The following YTHDF3 variants were observed in gnomAD, a reference collection of about 807,000 sequenced individuals.
YTHDF3 encodes the protein YTH domain-containing family protein 3.
YTHDF3 carries 9 observed loss-of-function variants against 52.5 expected under a neutral mutation model. The ratio of observed to expected loss-of-function variants is 0.17; its 90% confidence interval spans 0.10 to 0.30. The LOEUF (loss-of-function observed/expected upper bound fraction) is 0.30, where lower values mean the gene tolerates loss of function less well. Ranked by LOEUF, YTHDF3 falls within the 10% of genes least tolerant of loss-of-function variation. The pLI is 1.00. For missense variants in YTHDF3, 534 were observed against 715.0 expected, an observed-to-expected ratio of 0.75 and a Z score of 2.89; for synonymous variants, 274 against 243.3, an observed-to-expected ratio of 1.13 and a Z score of -1.18.
At chr8:63,172,681 G>T in intron 2 of YTHDF3, 1 of 931,152 alleles carries the variant, frequency 1.1e-6, no homozygotes, top group South Asian at 5.5e-5. Context: ...CAGATCTGTT[G>T]ACTTTCCTAA....
In YTHDF3 at chr8:63,210,758, GT is replaced by G. The variant is rs1810326488; in HGVS notation, c.*1056del. On this transcript the variant is annotated 3_prime_UTR_variant, in exon 5 of 5. Coordinates refer to ENST00000539294, the MANE Select transcript of YTHDF3 (RefSeq NM_152758.6). ...TCAGTATCTAAGTGAATGTGTTGAT[GT>G]TTTATTGATCAGATCTATATAAGTG... 1 of 152,502 alleles carries G rather than the reference GT, an allele frequency of 6.6e-6. No individual in the cohort carries two copies. Among genetic ancestry groups the G allele is most frequent in the Non-Finnish European group, 1.5e-5 (1 of 67,988 alleles). 9.4% of individuals were successfully genotyped at this position (152,502 alleles called of 1,614,324 possible).
At chr8:63,194,039 T>C (rs979178904) in intron 4 of YTHDF3, among the ~76,000 whole-genome samples, 123 of 152,082 alleles carry the variant, frequency 8.1e-4, no homozygotes, top group Admixed American at 2.6e-3. Context: ...TTTTTTTTTT[T>C]CCCCAAAAAA....
intron 3 of YTHDF3, 141 bp from the exon 4 acceptor site, chr8:63,186,006 A>C: frequency 1.0e-6 from 1 of 964,100 alleles, no homozygotes; most frequent in Non-Finnish European, 1.5e-6. Flanking sequence ...ACTGGATTTG[A>C]AATTTTAATT....
chr8:63,173,213 T>TATATATATATATATATATATATACAC (rs947970396), intron 2 of YTHDF3, among the ~76,000 whole-genome samples: 6 of 146,136 alleles, frequency 4.1e-5, no homozygotes, highest in African/African-American at 1.6e-4. Flanking sequence ...TATATATATA[T>TATATATATATATATATATATATACAC]ACAGATAAAT....
intron 3 of YTHDF3, among the ~76,000 whole-genome samples, chr8:63,176,522 C>T (rs983523176): frequency 2.6e-5 from 4 of 151,950 alleles, no homozygotes; most frequent in African/African-American, 4.8e-5. Flanking sequence ...CCTCATGATC[C>T]GCCCGCCTCG....
At chr8:63,207,146 A>G (rs901389594) in intron 4 of YTHDF3, among the ~76,000 whole-genome samples, 5 of 152,146 alleles carry the variant, frequency 3.3e-5, no homozygotes, top group African/African-American at 1.2e-4. Flanking sequence ...TTAGTTTAGT[A>G]TTGTTACAGC....
intron 3 of YTHDF3, among the ~76,000 whole-genome samples, chr8:63,178,946 CTG>C (rs1807884586): frequency 6.6e-6 from 1 of 152,184 alleles, no homozygotes; most frequent in Non-Finnish European, 1.5e-5. Context: ...TCCTCATACA[CTG>C]TACACAGTGT....
At chr8:63,194,328 A>C (rs942370776) in intron 4 of YTHDF3, among the ~76,000 whole-genome samples, 1 of 151,834 alleles carries the variant, frequency 6.6e-6, no homozygotes, top group Non-Finnish European at 1.5e-5. Context: ...TACTAAAAAT[A>C]CAAAAAATTA....
chr8:63,191,991 T>C (rs1279536578), intron 4 of YTHDF3, among the ~76,000 whole-genome samples: 26 of 152,220 alleles, frequency 1.7e-4, no homozygotes, highest in Admixed American at 1.7e-3. Flanking sequence ...AATATGTATA[T>C]TTTTAAATCA....
At chr8:63,198,351 C>T (rs1409166514) in intron 4 of YTHDF3, among the ~76,000 whole-genome samples, 1 of 152,156 alleles carries the variant, frequency 6.6e-6, no homozygotes, top group Non-Finnish European at 1.5e-5. Context: ...ACTGCAGTCT[C>T]CACCTTCGGG....
At chr8:63,176,526 C>T (rs10112440) in intron 3 of YTHDF3, among the ~76,000 whole-genome samples, 28,160 of 151,930 alleles carry the variant, frequency 0.19, 3,318 homozygotes, top group East Asian at 0.41. Context: ...ATGATCCGCC[C>T]GCCTCGGCCT....
chr8:63,178,779 A>T (rs368996202), intron 3 of YTHDF3, among the ~76,000 whole-genome samples: 3 of 152,346 alleles, frequency 2.0e-5, no homozygotes, highest in East Asian at 3.9e-4. Context: ...GTCGTATGAG[A>T]ATTTAAGTAC....
chr8:63,169,240 A>G (rs924910111), intron 1 of YTHDF3, 147 bp from the exon 2 acceptor site: 1 of 1,303,240 alleles, frequency 7.7e-7, no homozygotes, highest in Non-Finnish European at 1.0e-6. Context: ...GGTGGTTGGG[A>G]AATTGGTGGC....
Position 63,206,219 on chromosome 8 carries a change from A to G in YTHDF3, c.1735-3464A>G, listed in dbSNP as rs541657612. On this transcript the variant is annotated intron_variant, in intron 4 of 4. Coordinates refer to ENST00000539294, the MANE Select transcript of YTHDF3 (RefSeq NM_152758.6). ...CTCCTGAGTAGCTAGGATTACAGAC[A>G]TGTGCCACCATAGCCAGCTAATTTT... is the stretch of plus-strand genomic sequence containing the variant. Among the ~76,000 whole-genome samples, 19 of 152,114 alleles carry G rather than the reference A, an allele frequency of 1.2e-4. No homozygotes were observed. The South Asian group carries it at 3.3e-3, about 27-fold the overall frequency.
At chr8:63,205,512 C>T (rs1809971023) in intron 4 of YTHDF3, among the ~76,000 whole-genome samples, 1 of 151,216 alleles carries the variant, frequency 6.6e-6, no homozygotes, top group African/African-American at 2.4e-5. Flanking sequence ...TGGCTCACTG[C>T]AACCTTCACC....
chr8:63,186,834 A>C lies in YTHDF3; in HGVS notation c.823A>C (p.Asn275His), dbSNP rs1276218385. The part of the protein sequence containing the change: ...VPPPPIKHNM[N>H]IGTWDEKGSV... The stretch of plus-strand genomic sequence containing the variant: ...ACCACCTCCTATAAAACACAACATG[A>C]ATATTGGAACTTGGGATGAAAAAGG... The change falls in exon 4 of 5, where the codon AAT becomes CAT. Residue 275 changes from asparagine (N) to histidine (H), a missense_variant. Around this residue, in one of 3 missense-constraint regions of YTHDF3, gnomAD observed 203 missense variants for 201.3 expected, o/e 1.01. Coordinates refer to ENST00000539294, the MANE Select transcript of YTHDF3 (RefSeq NM_152758.6). 1 of 1,613,848 alleles carries C rather than the reference A, an allele frequency of 6.2e-7. No individual in the cohort carries two copies. The highest frequency in any genetic ancestry group is 8.5e-7 in the Non-Finnish European group (1 of 1,179,904).
At chr8:63,174,593 G>GAATA (rs1807564032) in intron 2 of YTHDF3, among the ~76,000 whole-genome samples, 1 of 152,156 alleles carries the variant, frequency 6.6e-6, no homozygotes, top group South Asian at 2.1e-4. Context: ...AGCATCCAGA[G>GAATA]AATAACAACT....
chr8:63,174,400 A>T (rs913858099), intron 2 of YTHDF3, among the ~76,000 whole-genome samples: 3 of 152,216 alleles, frequency 2.0e-5, no homozygotes, highest in Admixed American at 6.5e-5. Flanking sequence ...AAGATTATTG[A>T]ACACTGTCAT....
At chr8:63,189,948 T>C (rs190203358) in intron 4 of YTHDF3, among the ~76,000 whole-genome samples, 94 of 152,236 alleles carry the variant, frequency 6.2e-4, no homozygotes, top group Admixed American at 1.5e-3. Context: ...ATGAGAGAAA[T>C]GGGATCAAAA....
Sources: gnomAD v4.1 joint callset for allele counts (sites outside exome capture counted in the v4.1 genomes callset) on GRCh38, gnomAD v4.1.1 for gene constraint, gnomAD v4.1.1 regional missense constraint, MANE v1.5 for transcripts, NCBI Gene and HGNC (gene_info 2026-07-23, HGNC 2026-07-21) for gene names.